Variants in ZMYM2 observed in about 807,000 individuals in gnomAD.
The protein encoded by ZMYM2 is zinc finger MYM-type containing 2.
Under a neutral mutation model 162.8 loss-of-function variants are expected in ZMYM2, and 56 were observed. That is an observed-to-expected ratio of 0.34 (90% CI 0.28 to 0.43). ZMYM2 has a LOEUF of 0.43. ZMYM2 is among the 20% of genes least tolerant of loss of function. The probability of loss-of-function intolerance (pLI) is 1.00; values close to 1 mark genes in which losing one functional copy is unlikely to be tolerated. For missense variants in ZMYM2, 1,275 were observed against 1,621.8 expected, an observed-to-expected ratio of 0.79 and a Z score of 3.67; for synonymous variants, 510 against 541.6, an observed-to-expected ratio of 0.94 and a Z score of 0.81.
At chr13:19,868,942 G>T in the ZMYM2 span, among the ~76,000 whole-genome samples, 1 of 151,978 alleles carries the variant, frequency 6.6e-6, no homozygotes, top group African/African-American at 2.4e-5. Flanking sequence ...GTAGAGACGG[G>T]GTTTCACCAC....
At chr13:19,904,721 A>G in the ZMYM2 span, among the ~76,000 whole-genome samples, 1 of 152,166 alleles carries the variant, frequency 6.6e-6, no homozygotes, top group African/African-American at 2.4e-5. Context: ...CTTTTCCTGG[A>G]TATCTCTTTA....
At chr13:19,965,095 A>G (rs1955621736) in intron 2 of ZMYM2, 2 of 443,612 alleles carry the variant, frequency 4.5e-6, no homozygotes, top group South Asian at 3.0e-5. Context: ...ATAAAAAAAA[A>G]AAAAGAAAAA....
chr13:20,035,999 C>G (rs1953657723), intron 11 of ZMYM2, among the ~76,000 whole-genome samples: 1 of 151,966 alleles, frequency 6.6e-6, no homozygotes. Flanking sequence ...TCATTTTAAA[C>G]TAGGTTGATC....
chr13:20,060,437 A>C (rs1324648103), intron 16 of ZMYM2, among the ~76,000 whole-genome samples: 1 of 152,096 alleles, frequency 6.6e-6, no homozygotes, highest in African/African-American at 2.4e-5. Flanking sequence ...CCAGCACTTT[A>C]GGAGGCTGAC....
chr13:20,028,692 A>T (rs1031425657), intron 9 of ZMYM2, among the ~76,000 whole-genome samples: 2 of 152,124 alleles, frequency 1.3e-5, no homozygotes, highest in Admixed American at 6.5e-5. Context: ...TCACATCTAG[A>T]TTACCCTTAA....
chr13:19,930,337 G>A, the ZMYM2 span, among the ~76,000 whole-genome samples: 2 of 151,894 alleles, frequency 1.3e-5, no homozygotes, highest in Admixed American at 6.6e-5. Flanking sequence ...GGAGGCGAAG[G>A]TTTCAGTGAG....
At chr13:19,878,735 T>C in the ZMYM2 span, among the ~76,000 whole-genome samples, 1 of 152,164 alleles carries the variant, frequency 6.6e-6, no homozygotes, top group Admixed American at 6.5e-5. Flanking sequence ...TTGGTCAGGC[T>C]GGTCTTGAAC....
intron 10 of ZMYM2, among the ~76,000 whole-genome samples, chr13:20,033,857 T>C (rs1375780252): frequency 1.3e-5 from 2 of 152,218 alleles, no homozygotes; most frequent in Admixed American, 6.5e-5. Flanking sequence ...TGATGGAGCC[T>C]ACTTGTTTAT....
the ZMYM2 span, among the ~76,000 whole-genome samples, chr13:19,933,367 G>A: frequency 6.6e-6 from 1 of 152,058 alleles, no homozygotes; most frequent in African/African-American, 2.4e-5. Flanking sequence ...CTTATTTCAA[G>A]TCTATATTAT....
At chr13:19,897,996 C>G in the ZMYM2 span, among the ~76,000 whole-genome samples, 14 of 152,164 alleles carry the variant, frequency 9.2e-5, no homozygotes, top group East Asian at 2.7e-3. Context: ...ACAATCAGAC[C>G]TAACAGATAT....
the ZMYM2 span, among the ~76,000 whole-genome samples, chr13:19,918,724 C>T: frequency 7.9e-5 from 12 of 152,044 alleles, no homozygotes; most frequent in Admixed American, 3.9e-4. Flanking sequence ...GTCTCGAACT[C>T]CTGACCTTGG....
At chr13:20,063,824 A>AGTATAATTTTAT (rs1361630587) in intron 18 of ZMYM2, among the ~76,000 whole-genome samples, 1 of 146,520 alleles carries the variant, frequency 6.8e-6, no homozygotes, top group Admixed American at 6.8e-5. Flanking sequence ...ATAATACATA[A>AGTATAATTTTAT]ATATAATTTT....
the ZMYM2 span, among the ~76,000 whole-genome samples, chr13:19,938,380 G>C: frequency 2.0e-5 from 3 of 152,018 alleles, no homozygotes; most frequent in Non-Finnish European, 4.4e-5. Flanking sequence ...GTGATGGTGC[G>C]CACCTAACAC....
At chr13:19,998,387 A>G (rs1950168136) in intron 3 of ZMYM2, among the ~76,000 whole-genome samples, 1 of 152,200 alleles carries the variant, frequency 6.6e-6, no homozygotes, top group Non-Finnish European at 1.5e-5. Context: ...GATGCCCTTA[A>G]GTTTTGATAG....
At chr13:20,018,195 T>G (rs1476310208) in intron 6 of ZMYM2, among the ~76,000 whole-genome samples, 2 of 152,224 alleles carry the variant, frequency 1.3e-5, no homozygotes, top group African/African-American at 2.4e-5. Flanking sequence ...ACCAAATGAT[T>G]CTTCTTCAGT....
the ZMYM2 span, among the ~76,000 whole-genome samples, chr13:19,937,729 C>T: frequency 2.1e-3 from 312 of 151,320 alleles, 11 homozygotes; most frequent in East Asian, 0.051. Context: ...TGTTGGTGTG[C>T]TGCACCCATT....
At chr13:19,982,281 CTTTTTTTT>C (rs56165263) in intron 2 of ZMYM2, among the ~76,000 whole-genome samples, 4 of 86,256 alleles carry the variant, frequency 4.6e-5, no homozygotes, top group South Asian at 1.1e-3. Flanking sequence ...TATTAGCTGT[CTTTTTTTT>C]TTTTTTTTTT....
chr13:20,058,718 A>T lies in ZMYM2; in HGVS notation c.2623+14A>T. ...CTTGTCAGACAGGTAACTTAGGACA[A>T]TGTGACTTACATACTTCCCCATACC... On this transcript the variant is annotated intron_variant, in intron 15 of 24. Coordinates refer to ENST00000610343, the MANE Select transcript of ZMYM2 (RefSeq NM_197968.4). The T allele has an allele frequency of 2.5e-6, 4 of 1,612,568 alleles. No homozygotes were observed. The highest frequency in any genetic ancestry group is 3.4e-6 in the Non-Finnish European group (4 of 1,179,276).
intron 3 of ZMYM2, among the ~76,000 whole-genome samples, chr13:20,000,392 T>C (rs748341341): frequency 1.2e-4 from 19 of 152,186 alleles, no homozygotes; most frequent in Non-Finnish European, 2.6e-4. Flanking sequence ...AGATAATTGA[T>C]GTAGGTGGCA....
Sources: allele counts gnomAD v4.1 joint callset (sites outside exome capture counted in the v4.1 genomes callset), GRCh38; gene constraint gnomAD v4.1.1; transcripts MANE v1.5; gene names NCBI Gene and HGNC (gene_info 2026-07-23, HGNC 2026-07-21).